Variants in CHST11 observed in about 807,000 individuals in gnomAD.
CHST11 encodes C4S-1.
CHST11 carries 9 observed loss-of-function variants against 30.4 expected under a neutral mutation model. That is an observed-to-expected ratio of 0.30 (90% CI 0.18 to 0.52). CHST11 has a LOEUF of 0.52. Ranked by LOEUF, CHST11 falls within the 20% of genes least tolerant of loss-of-function variation. CHST11 has a pLI of 0.97. For missense variants in CHST11, 348 were observed against 460.6 expected, an observed-to-expected ratio of 0.76 and a Z score of 2.24; for synonymous variants, 152 against 187.8, an observed-to-expected ratio of 0.81 and a Z score of 1.56.
At chr12:104,475,203 T>TC (rs1280202289) in intron 1 of CHST11, among the ~76,000 whole-genome samples, 2 of 152,120 alleles carry the variant, frequency 1.3e-5, no homozygotes, top group Non-Finnish European at 2.9e-5. Flanking sequence ...CATCCAGCAC[T>TC]CAAACATTTA....
At chr12:104,475,658 T>TTATATATATATATATATATATATATATA (rs67453124) in intron 1 of CHST11, among the ~76,000 whole-genome samples, 1 of 34,172 alleles carries the variant, frequency 2.9e-5, no homozygotes, top group Non-Finnish European at 7.4e-5. Flanking sequence ...TAAAGCAGCA[T>TTATATATATATATATATATATATATATA]TATATATATA....
In CHST11 at chr12:104,457,802, T is replaced by TTC. The variant is rs1555225517; in HGVS notation, c.118+274_118+275insCT. ...GGGCGGTAGTTTTTTTTTTTTTTTT[T>TTC]TTCTTCTTCTTTTTTTCTTTGTGTC... is the stretch of plus-strand genomic sequence containing the variant. On this transcript the variant is annotated intron_variant, in intron 1 of 2. Transcript: ENST00000303694. 2.9e-3 allele frequency among the ~76,000 whole-genome samples: 403 copies of TTC among 139,464 alleles called. 2 individuals are homozygous for TTC. The highest frequency in any genetic ancestry group is 5.0e-3 in the Non-Finnish European group (320 of 64,146). The allele number at this position is 139,464 out of a possible 152,430, so 91.5% of individuals were successfully genotyped here.
At chr12:104,651,648 C>T (rs2039490653) in intron 2 of CHST11, among the ~76,000 whole-genome samples, 1 of 152,280 alleles carries the variant, frequency 6.6e-6, no homozygotes, top group Non-Finnish European at 1.5e-5. Flanking sequence ...CCAGAAGTGA[C>T]CCACCCAAGG....
intron 2 of CHST11, among the ~76,000 whole-genome samples, chr12:104,642,262 A>G (rs1383971910): frequency 6.6e-6 from 1 of 152,192 alleles, no homozygotes; most frequent in Non-Finnish European, 1.5e-5. Context: ...GCAGTATGGG[A>G]GTATGATCTC....
At chr12:104,756,532 G>GTGTGTGTGTGT (rs1555250377) in intron 2 of CHST11, among the ~76,000 whole-genome samples, 5 of 143,398 alleles carry the variant, frequency 3.5e-5, no homozygotes, top group African/African-American at 7.8e-5. Flanking sequence ...ATCCATGTGG[G>GTGTGTGTGTGT]GTGTGTGTGT....
rs547527918 is a variant in CHST11 at position 104,502,928 on chromosome 12, G to A, written c.118+45399G>A. ...AATCGCCTGGAGTTCTGGTTAAAGT[G>A]CAGATCTGGATTCAGTAGATGTGGG... On this transcript the variant is annotated intron_variant, in intron 1 of 2. Coordinates refer to ENST00000303694, the MANE Select transcript of CHST11 (RefSeq NM_018413.6). Among the ~76,000 whole-genome samples the A allele has an allele frequency of 9.2e-5, 14 of 152,326 alleles. No homozygotes were observed. The South Asian group carries it at 2.9e-3, about 32-fold the overall frequency.
intron 2 of CHST11, among the ~76,000 whole-genome samples, chr12:104,747,338 C>T (rs1317771639): frequency 6.6e-6 from 1 of 152,218 alleles, no homozygotes; most frequent in East Asian, 1.9e-4. Context: ...GTTAATTATT[C>T]TCCCTGTGCC....
chr12:104,649,183 A>G lies in CHST11; in HGVS notation c.204+47192A>G, dbSNP rs138141226. Among the ~76,000 whole-genome samples the G allele has an allele frequency of 4.7e-3, 718 of 152,280 alleles. 10 individuals are homozygous for G. Among genetic ancestry groups the G allele is most frequent in the African/African-American group, 0.016 (685 of 41,552 alleles). ...GGGAAAATGAGGGAATGGGAAAGCC[A>G]ACACATTCAGTCAATATTCTTGGAA... On this transcript the variant is annotated intron_variant, in intron 2 of 2. Coordinates refer to ENST00000303694, the MANE Select transcript of CHST11 (RefSeq NM_018413.6).
chr12:104,708,527 A>C (rs550558284), intron 2 of CHST11, among the ~76,000 whole-genome samples: 28 of 152,256 alleles, frequency 1.8e-4, no homozygotes, highest in African/African-American at 5.8e-4. Flanking sequence ...GCTCTGTATG[A>C]GGAGTGACAG....
At chr12:104,544,126 A>T (rs1259153130) in intron 1 of CHST11, among the ~76,000 whole-genome samples, 5 of 26,604 alleles carry the variant, frequency 1.9e-4, no homozygotes, top group East Asian at 0.05. Context: ...CCTGTCTGTT[A>T]AAAAAAAAAA....
intron 1 of CHST11, among the ~76,000 whole-genome samples, chr12:104,482,196 C>G (rs942435551): frequency 6.6e-6 from 1 of 151,426 alleles, no homozygotes; most frequent in African/African-American, 2.4e-5. Context: ...CTATTCCTCA[C>G]TACCTTCTGC....
At chr12:104,563,010 G>A (rs1406565870) in intron 1 of CHST11, among the ~76,000 whole-genome samples, 1 of 151,978 alleles carries the variant, frequency 6.6e-6, no homozygotes, top group African/African-American at 2.4e-5. Context: ...ATAGAGGGTT[G>A]TTGTGAAGTG....
At chr12:104,514,611 C>G (rs532557863) in intron 1 of CHST11, among the ~76,000 whole-genome samples, 2 of 152,272 alleles carry the variant, frequency 1.3e-5, no homozygotes, top group East Asian at 3.9e-4. Context: ...AGTGTCTGCT[C>G]TTGGTGAGGG....
intron 1 of CHST11, chr12:104,589,090 G>A (rs2038833064): frequency 6.6e-6 from 1 of 152,056 alleles, no homozygotes; most frequent in Non-Finnish European, 1.5e-5. Flanking sequence ...GATCCTACTT[G>A]TATGAAGTAC....
chr12:104,738,552 C>A (rs989787695), intron 2 of CHST11, among the ~76,000 whole-genome samples: 1 of 152,216 alleles, frequency 6.6e-6, no homozygotes, highest in East Asian at 1.9e-4. Flanking sequence ...ATCCTCACAC[C>A]CGCCCCATGA....
At chr12:104,462,956 G>T (rs1214991446) in intron 1 of CHST11, among the ~76,000 whole-genome samples, 3 of 152,200 alleles carry the variant, frequency 2.0e-5, no homozygotes, top group African/African-American at 7.2e-5. Context: ...ATAAAAAGGG[G>T]TGATCAGGCA....
rs559433739 is a variant in CHST11 at position 104,541,539 on chromosome 12, G to A, written c.119-60367G>A. Among the ~76,000 whole-genome samples, 36 of 152,276 alleles carry A rather than the reference G, an allele frequency of 2.4e-4. 1 individual carries two copies. The highest frequency in any genetic ancestry group is 8.2e-4 in the African/African-American group (34 of 41,546). On this transcript the variant is annotated intron_variant, in intron 1 of 2. Transcript: ENST00000303694. ...CAAGTACTCTTAACATTTTTTAAAT[G>A]TCTGTGGTGGGCTAGTGGATATTCT...
chr12:104,619,169 G>A (rs1189652581), intron 2 of CHST11, among the ~76,000 whole-genome samples: 2 of 152,214 alleles, frequency 1.3e-5, no homozygotes, highest in African/African-American at 4.8e-5. Context: ...GCAAGGCATG[G>A]TGGGCTGTGT....
intron 2 of CHST11, among the ~76,000 whole-genome samples, chr12:104,697,059 T>G (rs766562443): frequency 6.6e-6 from 1 of 152,248 alleles, no homozygotes; most frequent in African/African-American, 2.4e-5. Context: ...TTTATCATTA[T>G]GAATAACATT....
Sources: gnomAD v4.1 joint callset for allele counts (sites outside exome capture counted in the v4.1 genomes callset) on GRCh38, gnomAD v4.1.1 for gene constraint, MANE v1.5 for transcripts, NCBI Gene and HGNC (gene_info 2026-07-23, HGNC 2026-07-21) for gene names.